ADAMTSL1: variants seen among roughly 807,000 people sequenced by gnomAD.
The protein encoded by ADAMTSL1 is ADAMTS-like protein 1.
A neutral mutation model predicts 201.8 loss-of-function variants in ADAMTSL1; 126 were observed. That is an observed-to-expected ratio of 0.62 (90% CI 0.54 to 0.72). The LOEUF (loss-of-function observed/expected upper bound fraction) is 0.72. Among genes scored for constraint, ADAMTSL1 ranks in the 30% least tolerant of loss-of-function variants. The pLI, the probability that ADAMTSL1 is intolerant of heterozygous loss-of-function variation, is 0.00. For missense variants in ADAMTSL1, 2,679 were observed against 2,277.8 expected (o/e 1.18, Z -3.59); for synonymous variants, 1,121 against 903.4 (o/e 1.24, Z -4.32).
chr9:18,837,130 T>G (rs563241028), intron 23 of ADAMTSL1, among the ~76,000 whole-genome samples: 1 of 152,204 alleles, frequency 6.6e-6, no homozygotes, highest in South Asian at 2.1e-4. Context: ...ACTAAGACTT[T>G]CCATTTATTC....
chr9:18,714,409 G>A (rs1413590750), intron 14 of ADAMTSL1, among the ~76,000 whole-genome samples: 2 of 151,994 alleles, frequency 1.3e-5, no homozygotes, highest in African/African-American at 2.4e-5. Flanking sequence ...AATGATAAAG[G>A]GGATATCACC....
At chr9:18,346,555 T>C (rs958832561) in intron 2 of ADAMTSL1, among the ~76,000 whole-genome samples, 3 of 152,156 alleles carry the variant, frequency 2.0e-5, no homozygotes, top group African/African-American at 7.2e-5. Flanking sequence ...GCACTGTGCC[T>C]GGAACAGAAA....
chr9:18,770,038 G>A (rs1437173825), intron 16 of ADAMTSL1, among the ~76,000 whole-genome samples: 5 of 152,128 alleles, frequency 3.3e-5, no homozygotes, highest in South Asian at 2.1e-4. Flanking sequence ...CAGTGGCTCT[G>A]GCTCCCACTG....
At position 18,206,986 on chromosome 9, in the gene ADAMTSL1, G is replaced by A. The variant is rs868030224; in HGVS notation, c.207+43005G>A. ...TTGAGATCAGCCTGGCCAACATGGT[G>A]AAACCCCGTCTCTACTAAAAATACA... On this transcript the variant is annotated intron_variant, in intron 2 of 29. Coordinates refer to the ADAMTSL1 transcript ENST00000680146. 1.9e-4 allele frequency among the ~76,000 whole-genome samples: 29 copies of A among 152,018 alleles called. 1 individual carries two copies. The highest frequency in any genetic ancestry group is 6.5e-4 in the African/African-American group (27 of 41,406).
intron 2 of ADAMTSL1, among the ~76,000 whole-genome samples, chr9:18,511,055 C>A (rs1817990926): frequency 6.6e-6 from 1 of 152,096 alleles, no homozygotes; most frequent in Non-Finnish European, 1.5e-5. Flanking sequence ...GTAACATTAT[C>A]TGTCTCCCTG....
intron 2 of ADAMTSL1, among the ~76,000 whole-genome samples, chr9:18,310,524 C>G (rs1834106732): frequency 6.6e-6 from 1 of 151,730 alleles, no homozygotes; most frequent in African/African-American, 2.4e-5. Context: ...AAAAACAACC[C>G]CATCAAAAAG....
At chr9:18,335,163 G>C (rs1010142486) in intron 2 of ADAMTSL1, among the ~76,000 whole-genome samples, 5 of 151,950 alleles carry the variant, frequency 3.3e-5, no homozygotes, top group African/African-American at 1.2e-4. Flanking sequence ...CTTTCCAAGG[G>C]GCTCCATTTC....
rs559278006 is a variant in ADAMTSL1, at chr9:18,281,545, C to T, written c.207+117564C>T. Among the ~76,000 whole-genome samples, 11 of 152,274 alleles carry T rather than the reference C, an allele frequency of 7.2e-5. No individual in the cohort carries two copies. The South Asian group carries it at 1.9e-3, about 26-fold the overall frequency. Reference sequence around the variant, plus strand: ...GAGACCCAGTCACAAGGGCCCTTCGCGACTGGGCTCAAGAAACACAAAAAG... The same window carrying T: ...GAGACCCAGTCACAAGGGCCCTTCGTGACTGGGCTCAAGAAACACAAAAAG... On this transcript the variant is annotated intron_variant, in intron 2 of 29. Transcript: ENST00000680146.
chr9:18,640,137 G>A (rs1348531674), intron 7 of ADAMTSL1, among the ~76,000 whole-genome samples: 1 of 152,100 alleles, frequency 6.6e-6, no homozygotes, highest in Non-Finnish European at 1.5e-5. Flanking sequence ...TGACCCCATG[G>A]CAGCTGGAAG....
rs56662538 is a variant in ADAMTSL1 at position 18,655,806 on chromosome 9, T to TAAAAAAAAAAAAA, written c.835-1814_835-1802dup. Among the ~76,000 whole-genome samples, 120 of 81,840 alleles carry TAAAAAAAAAAAAA rather than the reference T, an allele frequency of 1.5e-3. 11 individuals are homozygous for TAAAAAAAAAAAAA. Among genetic ancestry groups the TAAAAAAAAAAAAA allele is most frequent in the African/African-American group, 6.1e-3 (92 of 15,104 alleles). The allele number at this position is 81,840 out of a possible 152,430, so 53.7% of individuals were successfully genotyped here. On this transcript the variant is annotated intron_variant, in intron 7 of 28. Transcript: ENST00000380548. Reference sequence around the variant, plus strand: ...AGAGAGCTAGAGGCTTTTGTGAGCTTAAAAAAAAAAAAAAAAAAAAAAAAA... The same window carrying TAAAAAAAAAAAAA: ...AGAGAGCTAGAGGCTTTTGTGAGCTTAAAAAAAAAAAAAAAAAAAAAAAAAAAAAAAAAAAAAA...
At chr9:18,167,786 T>G (rs1288926735) in intron 2 of ADAMTSL1, among the ~76,000 whole-genome samples, 1 of 152,036 alleles carries the variant, frequency 6.6e-6, no homozygotes, top group Non-Finnish European at 1.5e-5. Context: ...TACCTGAAGA[T>G]AATTTAATTT....
intron 4 of ADAMTSL1, among the ~76,000 whole-genome samples, chr9:18,578,999 A>G (rs1312228123): frequency 6.6e-6 from 1 of 151,558 alleles, no homozygotes; most frequent in East Asian, 1.9e-4. Context: ...GCATTTTTTC[A>G]TGTGTTTTTT....
At chr9:18,348,799 A>AT (rs1835838169) in intron 2 of ADAMTSL1, among the ~76,000 whole-genome samples, 1 of 152,122 alleles carries the variant, frequency 6.6e-6, no homozygotes, top group African/African-American at 2.4e-5. Flanking sequence ...GTATAAGGCT[A>AT]TTTTTAATTT....
intron 1 of ADAMTSL1, among the ~76,000 whole-genome samples, chr9:18,118,663 A>G (rs1439589677): frequency 6.6e-6 from 1 of 152,198 alleles, no homozygotes; most frequent in Non-Finnish European, 1.5e-5. Flanking sequence ...TAGAATGCAG[A>G]TGGGACAATT....
intron 1 of ADAMTSL1, among the ~76,000 whole-genome samples, chr9:18,154,206 T>C (rs150514440): frequency 2.6e-5 from 4 of 152,154 alleles, no homozygotes; most frequent in Admixed American, 1.3e-4. Flanking sequence ...TATGCTACCA[T>C]GGTGTTCCAT....
At chr9:17,999,141 A>G (rs1047108614) in intron 1 of ADAMTSL1, among the ~76,000 whole-genome samples, 5 of 152,250 alleles carry the variant, frequency 3.3e-5, no homozygotes, top group East Asian at 1.9e-4. Context: ...TAAAAGCAGA[A>G]CTGATTGTGT....
At chr9:18,395,080 G>T (rs1204188939) in intron 2 of ADAMTSL1, among the ~76,000 whole-genome samples, 1 of 152,178 alleles carries the variant, frequency 6.6e-6, no homozygotes, top group Non-Finnish European at 1.5e-5. Flanking sequence ...TTTCAGGACA[G>T]ATCTGTCAGA....
At chr9:18,596,233 C>T (rs1286388650) in intron 4 of ADAMTSL1, among the ~76,000 whole-genome samples, 7 of 152,068 alleles carry the variant, frequency 4.6e-5, no homozygotes, top group Admixed American at 4.6e-4. Flanking sequence ...AGTGTTATAC[C>T]ATCATGTCTT....
At chr9:18,850,510 G>C (rs1245209013) in intron 23 of ADAMTSL1, among the ~76,000 whole-genome samples, 5 of 152,220 alleles carry the variant, frequency 3.3e-5, no homozygotes, top group Non-Finnish European at 2.9e-5. Flanking sequence ...TGTGATCTAT[G>C]AAGGGAGAGG....
Sources: gnomAD v4.1 joint callset for allele counts (sites outside exome capture counted in the v4.1 genomes callset) on GRCh38, gnomAD v4.1.1 for gene constraint, MANE v1.5 for transcripts, NCBI Gene and HGNC (gene_info 2026-07-23, HGNC 2026-07-21) for gene names.